Variants in PHACTR3 observed in about 807,000 individuals in gnomAD.
PHACTR3 encodes the protein phosphatase and actin regulator 3.
In PHACTR3, 16 loss-of-function variants were observed where a neutral mutation model predicts 66.8. The ratio of observed to expected loss-of-function variants is 0.24; its 90% CI spans 0.16 to 0.36. PHACTR3 has a LOEUF of 0.36. Among genes scored for constraint, PHACTR3 ranks in the 10% least tolerant of loss-of-function variants. The pLI, the probability that PHACTR3 is intolerant of heterozygous loss-of-function variation, is 1.00. For synonymous variants in PHACTR3, 323 were observed against 292.1 expected (o/e 1.11, Z -1.08); for missense variants, 647 against 719.9 (o/e 0.90, Z 1.16).
At chr20:59,691,899 G>C (rs2037120953) in intron 1 of PHACTR3, among the ~76,000 whole-genome samples, 1 of 152,144 alleles carries the variant, frequency 6.6e-6, no homozygotes, top group South Asian at 2.1e-4. Context: ...TTTTGACCCT[G>C]CATATTTTTA....
chr20:59,631,369 T>C (rs1399678858), intron 1 of PHACTR3, among the ~76,000 whole-genome samples: 2 of 152,150 alleles, frequency 1.3e-5, no homozygotes, highest in Non-Finnish European at 2.9e-5. Flanking sequence ...GATGCCCCGC[T>C]CTTCTGTCCC....
intron 1 of PHACTR3, among the ~76,000 whole-genome samples, chr20:59,689,763 A>T (rs1040458104): frequency 2.0e-5 from 3 of 152,124 alleles, no homozygotes; most frequent in African/African-American, 7.2e-5. Flanking sequence ...AAACCTGGGC[A>T]TTCACCTGCC....
At chr20:59,711,011 A>G (rs1336634542) in intron 1 of PHACTR3, among the ~76,000 whole-genome samples, 3 of 152,216 alleles carry the variant, frequency 2.0e-5, no homozygotes, top group African/African-American at 7.2e-5. Flanking sequence ...AATCCCTACA[A>G]ATATTTGCAT....
upstream of PHACTR3, chr20:59,603,663 G>C (rs1398784245): frequency 6.6e-6 from 1 of 152,166 alleles, no homozygotes; most frequent in Non-Finnish European, 1.5e-5. Context: ...AGGGGGCTTA[G>C]AGCGGGGCTG....
intron 1 of PHACTR3, among the ~76,000 whole-genome samples, chr20:59,691,824 A>G (rs1412313188): frequency 6.6e-6 from 1 of 152,160 alleles, no homozygotes; most frequent in African/African-American, 2.4e-5. Flanking sequence ...TATGGCAGTG[A>G]GAAACCAGGG....
intron 1 of PHACTR3, among the ~76,000 whole-genome samples, chr20:59,665,052 T>C (rs1052122869): frequency 2.0e-5 from 3 of 152,244 alleles, no homozygotes; most frequent in African/African-American, 7.2e-5. Flanking sequence ...TCAAATCAAA[T>C]AATTTATTCC....
At chr20:59,845,075 G>T in intron 11 of PHACTR3, 114 bp from the exon 12 acceptor site, 3 of 635,160 alleles carry the variant, frequency 4.7e-6, no homozygotes, top group African/African-American at 3.8e-5. Flanking sequence ...GTTTTTTTCT[G>T]TATATTACAT....
chr20:59,830,816 C>T lies in PHACTR3; in HGVS notation c.1329-5689C>T, dbSNP rs2042345894. The stretch of plus-strand genomic sequence containing the variant: ...GGGAGGGCGTGACGCCATCACCCAG[C>T]TGGCAGGGGTCAGAGCTGGAACTGG... On this transcript the variant is annotated intron_variant, in intron 8 of 12. Coordinates refer to ENST00000371015, the MANE Select transcript of PHACTR3 (RefSeq NM_080672.5). This position sits in a 1 kb window ranked among gnomAD's most constrained non-coding sequence, Gnocchi z 5.8. Among the ~76,000 whole-genome samples the T allele has an allele frequency of 6.6e-6, 1 of 152,174 alleles. No individual in the cohort carries two copies. The highest frequency in any genetic ancestry group is 1.5e-5 in the Non-Finnish European group (1 of 68,034).
chr20:59,625,879 G>A (rs1215758274), intron 1 of PHACTR3, among the ~76,000 whole-genome samples: 1 of 152,146 alleles, frequency 6.6e-6, no homozygotes, highest in African/African-American at 2.4e-5. Context: ...TCTAGATCTG[G>A]GTGGCATTTG....
chr20:59,769,691 G>A (rs909452627), intron 5 of PHACTR3, among the ~76,000 whole-genome samples: 6 of 152,210 alleles, frequency 3.9e-5, no homozygotes, highest in East Asian at 1.9e-4. Flanking sequence ...CCAAGTGCAG[G>A]CATAGTACAG....
At chr20:59,591,711 T>TTCGCCCA (rs2033187180) in intron 1 of PHACTR3, among the ~76,000 whole-genome samples, 1 of 152,070 alleles carries the variant, frequency 6.6e-6, no homozygotes, top group South Asian at 2.1e-4. Context: ...CTCCAGACCC[T>TTCGCCCA]TCGCCCATGG....
At chr20:59,723,559 T>C (rs1030586462) in intron 1 of PHACTR3, among the ~76,000 whole-genome samples, 1 of 152,266 alleles carries the variant, frequency 6.6e-6, no homozygotes, top group South Asian at 2.1e-4. Flanking sequence ...AGAGCTGCTG[T>C]GCATATTCAC....
At chr20:59,625,475 A>G (rs1439357766) in intron 1 of PHACTR3, among the ~76,000 whole-genome samples, 2 of 152,182 alleles carry the variant, frequency 1.3e-5, no homozygotes, top group African/African-American at 2.4e-5. Flanking sequence ...GCTCTGGAAT[A>G]TATTTAGAAA....
chr20:59,583,569 C>T (rs185866375), intron 1 of PHACTR3, among the ~76,000 whole-genome samples: 1 of 152,262 alleles, frequency 6.6e-6, no homozygotes, highest in African/African-American at 2.4e-5. Flanking sequence ...TGCCCGCCTA[C>T]GCAAGCAGCC....
chr20:59,756,123 G>T (rs913517091), intron 4 of PHACTR3, among the ~76,000 whole-genome samples: 1 of 152,108 alleles, frequency 6.6e-6, no homozygotes, highest in Non-Finnish European at 1.5e-5. Context: ...AGGGGAGAAG[G>T]GAGGAAGGAT....
chr20:59,771,619 TCTCTCC>T (rs1368344238), intron 5 of PHACTR3, among the ~76,000 whole-genome samples: 1 of 151,592 alleles, frequency 6.6e-6, no homozygotes, highest in Non-Finnish European at 1.5e-5. Flanking sequence ...CCAGCCCTTT[TCTCTCC>T]CTCTCCTTCT....
chr20:59,735,446 A>G (rs1336428700), intron 1 of PHACTR3, among the ~76,000 whole-genome samples: 1 of 152,160 alleles, frequency 6.6e-6, no homozygotes, highest in East Asian at 1.9e-4. Context: ...AGCACATGGC[A>G]CTGAGTACCT....
At chr20:59,629,498 C>G (rs577530614) in intron 1 of PHACTR3, among the ~76,000 whole-genome samples, 79 of 152,316 alleles carry the variant, frequency 5.2e-4, no homozygotes, top group African/African-American at 1.8e-3. Context: ...ATCAAGGTGC[C>G]AGCAGGGCGG....
chr20:59,813,370 G>A (rs1055441193), intron 8 of PHACTR3, among the ~76,000 whole-genome samples: 12 of 152,232 alleles, frequency 7.9e-5, no homozygotes, highest in African/African-American at 2.9e-4. Flanking sequence ...ATCCATGGCT[G>A]CTGGGATGGA....
Sources: gnomAD v4.1 joint callset for allele counts (sites outside exome capture counted in the v4.1 genomes callset) on GRCh38, gnomAD v4.1.1 for gene constraint, Gnocchi (gnomAD v3.1) non-coding constraint, MANE v1.5 for transcripts, NCBI Gene and HGNC (gene_info 2026-07-23, HGNC 2026-07-21) for gene names.